The following EPB41L2 variants were observed in gnomAD, a reference collection of about 807,000 sequenced individuals.
EPB41L2 encodes the protein band 4.1-like protein 2.
In EPB41L2, 43 loss-of-function variants were observed where a neutral mutation model predicts 113.0. That is an observed-to-expected ratio of 0.38 (90% CI 0.30 to 0.49). The LOEUF is 0.49. Ranked by LOEUF, EPB41L2 falls within the 20% of genes least tolerant of loss-of-function variation. EPB41L2 has a pLI of 0.95. For synonymous variants in EPB41L2, 442 were observed against 436.7 expected (o/e 1.01, Z -0.15); for missense variants, 1,147 against 1,223.4 (o/e 0.94, Z 0.93).
chr6:130,977,393 A>T (rs1584201925), intron 1 of EPB41L2, among the ~76,000 whole-genome samples: 1 of 152,286 alleles, frequency 6.6e-6, no homozygotes, highest in African/African-American at 2.4e-5. Context: ...TCACCAGGAT[A>T]GATGTCAGAT....
intron 1 of EPB41L2, among the ~76,000 whole-genome samples, chr6:131,000,456 A>T (rs1422933333): frequency 6.6e-6 from 1 of 152,182 alleles, no homozygotes; most frequent in African/African-American, 2.4e-5. Context: ...AATCTGACCA[A>T]CGCAACTACC....
At chr6:130,906,404 A>C (rs962283030) in intron 5 of EPB41L2, among the ~76,000 whole-genome samples, 2 of 152,190 alleles carry the variant, frequency 1.3e-5, no homozygotes, top group Non-Finnish European at 2.9e-5. Context: ...GAATGGCTAA[A>C]TTGACCTAAT....
chr6:130,852,063 T>A (rs1582650783), intron 19 of EPB41L2, among the ~76,000 whole-genome samples: 1 of 152,144 alleles, frequency 6.6e-6, no homozygotes, highest in Non-Finnish European at 1.5e-5. Flanking sequence ...AAACTCATTA[T>A]CTCTGGGGTA....
At chr6:130,983,904 C>A (rs1328873665) in intron 1 of EPB41L2, among the ~76,000 whole-genome samples, 1 of 152,080 alleles carries the variant, frequency 6.6e-6, no homozygotes, top group East Asian at 1.9e-4. Flanking sequence ...ATGAATTAAC[C>A]TTAGCTGTCT....
intron 3 of EPB41L2, among the ~76,000 whole-genome samples, chr6:130,938,259 G>T (rs1272423368): frequency 6.6e-6 from 1 of 152,168 alleles, no homozygotes; most frequent in Non-Finnish European, 1.5e-5. Flanking sequence ...TTCATTTTGA[G>T]ATATCTCAGT....
chr6:130,919,504 A>G (rs554033186), intron 4 of EPB41L2, among the ~76,000 whole-genome samples: 1 of 52,668 alleles, frequency 1.9e-5, no homozygotes, highest in South Asian at 8.9e-4. Flanking sequence ...CTACCCATGT[A>G]TCCCCACTGT....
intron 1 of EPB41L2, among the ~76,000 whole-genome samples, chr6:131,028,920 C>G (rs1043870586): frequency 6.6e-6 from 1 of 152,242 alleles, no homozygotes; most frequent in East Asian, 1.9e-4. Context: ...CATACAAATG[C>G]TATAAAACCC....
intron 19 of EPB41L2, among the ~76,000 whole-genome samples, chr6:130,847,638 T>A (rs1357595092): frequency 1.3e-5 from 2 of 152,234 alleles, no homozygotes; most frequent in Non-Finnish European, 2.9e-5. Flanking sequence ...AACATCAGGT[T>A]CATTTTTCTG....
intron 1 of EPB41L2, among the ~76,000 whole-genome samples, chr6:131,048,054 C>T (rs1795801216): frequency 7.1e-6 from 1 of 140,634 alleles, no homozygotes; most frequent in Admixed American, 7.4e-5. Context: ...CAGAGAACTG[C>T]TTGAATCTGT....
intron 1 of EPB41L2, among the ~76,000 whole-genome samples, chr6:130,985,210 A>C (rs1584272506): frequency 2.0e-5 from 3 of 152,226 alleles, no homozygotes; most frequent in Admixed American, 2.0e-4. Context: ...CTTTTTAACC[A>C]ATTGAATGTT....
chr6:130,920,757 G>A (rs973891859), intron 4 of EPB41L2, among the ~76,000 whole-genome samples: 6 of 151,868 alleles, frequency 4.0e-5, no homozygotes, highest in Non-Finnish European at 5.9e-5. Flanking sequence ...TGATCCTCCC[G>A]CCTGGGCCTC....
intron 1 of EPB41L2, among the ~76,000 whole-genome samples, chr6:130,976,097 T>A (rs1037472927): frequency 4.6e-5 from 7 of 152,196 alleles, no homozygotes; most frequent in Non-Finnish European, 1.0e-4. Context: ...AATCTTCCCA[T>A]CTACCAATCG....
At chr6:130,945,176 G>C (rs1812382577) in intron 3 of EPB41L2, among the ~76,000 whole-genome samples, 2 of 152,118 alleles carry the variant, frequency 1.3e-5, no homozygotes, top group African/African-American at 4.8e-5. Flanking sequence ...CAAATATGTA[G>C]ATAGTTGAAA....
At chr6:131,005,950 C>T (rs1172705921) in intron 1 of EPB41L2, among the ~76,000 whole-genome samples, 1 of 152,200 alleles carries the variant, frequency 6.6e-6, no homozygotes, top group Non-Finnish European at 1.5e-5. Flanking sequence ...TTCTCCCTGA[C>T]AGCAGATAGC....
intron 1 of EPB41L2, among the ~76,000 whole-genome samples, chr6:131,001,277 C>T (rs964561244): frequency 6.6e-6 from 1 of 151,900 alleles, no homozygotes; most frequent in Non-Finnish European, 1.5e-5. Flanking sequence ...GCTCCAATGC[C>T]TACTCTGAGA....
chr6:130,867,137 T>C (rs573300444), intron 16 of EPB41L2, among the ~76,000 whole-genome samples: 2 of 152,358 alleles, frequency 1.3e-5, no homozygotes, highest in East Asian at 3.9e-4. Context: ...CAAGACAATT[T>C]GTTTCCTAAG....
chr6:130,863,483 G>C (rs1331994108), intron 18 of EPB41L2, among the ~76,000 whole-genome samples, 155 bp downstream of exon 18: 1 of 152,206 alleles, frequency 6.6e-6, no homozygotes, highest in Non-Finnish European at 1.5e-5. Context: ...AGGAAAGCTT[G>C]TATCCAGGCT....
chr6:131,001,711 G>T (rs1046462601), intron 1 of EPB41L2, among the ~76,000 whole-genome samples: 2 of 151,954 alleles, frequency 1.3e-5, no homozygotes, highest in Admixed American at 6.6e-5. Flanking sequence ...CTTATTTCTT[G>T]ATCTCTTTCC....
At chr6:130,921,148 T>A (rs1443533600) in intron 4 of EPB41L2, among the ~76,000 whole-genome samples, 1 of 152,128 alleles carries the variant, frequency 6.6e-6, no homozygotes, top group Non-Finnish European at 1.5e-5. Context: ...CTGGTTTTCA[T>A]CACCTCTAGA....
Sources: allele counts gnomAD v4.1 joint callset (sites outside exome capture counted in the v4.1 genomes callset), GRCh38; gene constraint gnomAD v4.1.1; transcripts MANE v1.5; gene names NCBI Gene and HGNC (gene_info 2026-07-23, HGNC 2026-07-21).